Variants in AMBRA1 observed in about 807,000 individuals in gnomAD.
AMBRA1 encodes the protein activating molecule in BECN1-regulated autophagy protein 1.
A neutral mutation model predicts 125.4 loss-of-function variants in AMBRA1; 47 were observed. The observed-to-expected ratio is 0.37, with a 90% CI of 0.30 to 0.48. AMBRA1 has a LOEUF of 0.48. Among genes scored for constraint, AMBRA1 ranks in the 20% least tolerant of loss-of-function variants. The probability of loss-of-function intolerance (pLI) is 0.99; values close to 1 mark genes in which losing one functional copy is unlikely to be tolerated. For missense variants in AMBRA1, 1,331 were observed against 1,693.4 expected (o/e 0.79, Z 3.76); for synonymous variants, 626 against 655.5 (o/e 0.95, Z 0.69).
At chr11:46,399,847 G>GGATCT (rs1251104680) in intron 17 of AMBRA1, among the ~76,000 whole-genome samples, 6 of 152,334 alleles carry the variant, frequency 3.9e-5, no homozygotes, top group East Asian at 3.9e-4. Flanking sequence ...AGGGAGAGAA[G>GGATCT]GATCTGTCCG....
At position 46,433,486 on chromosome 11, in the gene AMBRA1, C is replaced by G; in HGVS notation, c.2964G>C (p.Glu988Asp). The G allele has an allele frequency of 6.2e-7, 1 of 1,614,148 alleles. No homozygotes were observed. The highest frequency in any genetic ancestry group is 1.1e-5 in the South Asian group (1 of 91,072). Reference protein sequence around the residue: ...VFRLQQAHGGETSMRRVFNVL... With the variant: ...VFRLQQAHGGDTSMRRVFNVL... ...CAATGGCACTCACCCTCATGGAGGT[C>G]TCTCCACCATGGGCCTGTTGCAGCC... Residue 988 changes from glutamate (E) to aspartate (D), a missense_variant, in exon 14 of 18, where the codon GAG (glutamate) becomes GAC (aspartate). Coordinates refer to ENST00000683756, the MANE Select transcript of AMBRA1 (RefSeq NM_001387011.1).
chr11:46,458,668 C>T (rs977144332), intron 11 of AMBRA1, among the ~76,000 whole-genome samples: 11 of 152,164 alleles, frequency 7.2e-5, no homozygotes, highest in Non-Finnish European at 1.5e-4. Flanking sequence ...ATGATCATTG[C>T]TCACTACAGC....
At chr11:46,559,098 G>A (rs1190637364) in intron 1 of AMBRA1, among the ~76,000 whole-genome samples, 1 of 152,034 alleles carries the variant, frequency 6.6e-6, no homozygotes, top group Non-Finnish European at 1.5e-5. Context: ...TCAGGAGTTC[G>A]AGACCAGCCT....
At chr11:46,450,892 A>G (rs1208596142) in intron 11 of AMBRA1, among the ~76,000 whole-genome samples, 2 of 152,238 alleles carry the variant, frequency 1.3e-5, no homozygotes, top group Non-Finnish European at 2.9e-5. Flanking sequence ...TGATGTGTCT[A>G]CGTTGGTTCA....
chr11:46,448,823 C>T (rs1948438692), intron 11 of AMBRA1, among the ~76,000 whole-genome samples: 1 of 152,122 alleles, frequency 6.6e-6, no homozygotes, highest in African/African-American at 2.4e-5. Context: ...CAACCGTATG[C>T]CTACAAATTT....
intron 1 of AMBRA1, among the ~76,000 whole-genome samples, chr11:46,571,103 C>T (rs1375071679): frequency 6.6e-6 from 1 of 152,148 alleles, no homozygotes; most frequent in Non-Finnish European, 1.5e-5. Context: ...TCACATTTGC[C>T]TCCTTACAAT....
chr11:46,491,093 C>A (rs1395639950), intron 11 of AMBRA1: 1 of 152,158 alleles, frequency 6.6e-6, no homozygotes, highest in Non-Finnish European at 1.5e-5. Context: ...ATAAGATTTT[C>A]CTCAGCAAGC....
At chr11:46,458,020 A>G (rs1948928648) in intron 11 of AMBRA1, among the ~76,000 whole-genome samples, 1 of 152,176 alleles carries the variant, frequency 6.6e-6, no homozygotes, top group South Asian at 2.1e-4. Flanking sequence ...GGAACCCACT[A>G]ATGGAAAATC....
intron 4 of AMBRA1, 51 bp from the exon 5 acceptor site, chr11:46,545,827 C>G: frequency 6.3e-7 from 1 of 1,578,522 alleles, no homozygotes; most frequent in Non-Finnish European, 8.7e-7. Flanking sequence ...TACCAGCACA[C>G]TGGGAAGTCA....
chr11:46,397,742 T>C lies in AMBRA1; in HGVS notation c.3605A>G (p.His1202Arg), dbSNP rs769004853. 2 of 1,612,756 alleles carry C rather than the reference T, an allele frequency of 1.2e-6. No homozygotes were observed. Among genetic ancestry groups the C allele is most frequent in the South Asian group, 1.1e-5 (1 of 91,058 alleles). ...SQTGTEPGAA[H>R]TSSPQPSTSR... ...GGTGGAGGGCTGGGGTGAGGAGGTG[T>C]GGGCGGCACCAGGTTCAGTGCCCGT... is the stretch of plus-strand genomic sequence containing the variant. Residue 1202 changes from histidine (H) to arginine (R), a missense_variant, in exon 18 of 18, where the codon CAC becomes CGC. Coordinates refer to ENST00000683756, the MANE Select transcript of AMBRA1 (RefSeq NM_001387011.1).
chr11:46,581,964 A>G (rs936623364), intron 1 of AMBRA1, among the ~76,000 whole-genome samples: 83 of 151,506 alleles, frequency 5.5e-4, no homozygotes, highest in African/African-American at 1.7e-3. Flanking sequence ...AAATAATCAA[A>G]AATTACCTAG....
At chr11:46,547,320 G>A (rs1377123597) in intron 3 of AMBRA1, 24 bp from the exon 4 acceptor site, 1 of 1,578,042 alleles carries the variant, frequency 6.3e-7, no homozygotes, top group Non-Finnish European at 8.6e-7. Context: ...GAGTAGAACT[G>A]AATTCAGAAG....
At chr11:46,404,593 C>T (rs1225511130) in intron 17 of AMBRA1, among the ~76,000 whole-genome samples, 2 of 152,186 alleles carry the variant, frequency 1.3e-5, no homozygotes, top group African/African-American at 4.8e-5. Context: ...ACAGGGTATA[C>T]GCAGAGCATG....
At chr11:46,420,562 A>G (rs2136659672) in intron 14 of AMBRA1, among the ~76,000 whole-genome samples, 1 of 152,326 alleles carries the variant, frequency 6.6e-6, no homozygotes, top group South Asian at 2.1e-4. Context: ...TTTCTGTCCA[A>G]CCTATAGACT....
chr11:46,578,502 A>G (rs1395660899), intron 1 of AMBRA1, among the ~76,000 whole-genome samples: 2 of 151,440 alleles, frequency 1.3e-5, no homozygotes, highest in Non-Finnish European at 2.9e-5. Context: ...AAAAAAATCT[A>G]GGTAGGACTG....
At chr11:46,433,211 G>A (rs1947537958) in intron 14 of AMBRA1, among the ~76,000 whole-genome samples, 1 of 152,224 alleles carries the variant, frequency 6.6e-6, no homozygotes, top group Non-Finnish European at 1.5e-5. Context: ...AAGTAAGGAA[G>A]TATTCAGTTT....
intron 7 of AMBRA1, among the ~76,000 whole-genome samples, chr11:46,534,931 C>T (rs917623840): frequency 8.5e-5 from 13 of 152,232 alleles, no homozygotes; most frequent in Admixed American, 8.5e-4. Flanking sequence ...AACTTGGCTT[C>T]TCAGAGTGCT....
chr11:46,418,240 TATATA>T, intron 14 of AMBRA1, among the ~76,000 whole-genome samples, 188 bp from the exon 15 acceptor site: 1 of 144,328 alleles, frequency 6.9e-6, no homozygotes, highest in East Asian at 2.0e-4. Flanking sequence ...TATATAAATA[TATATA>T]ATATATATTT....
chr11:46,511,135 G>C (rs772750519), intron 8 of AMBRA1, among the ~76,000 whole-genome samples: 12 of 152,178 alleles, frequency 7.9e-5, no homozygotes, highest in Non-Finnish European at 1.6e-4. Flanking sequence ...GTAGAACACT[G>C]CCAGGTTAAA....
Sources: allele counts gnomAD v4.1 joint callset (sites outside exome capture counted in the v4.1 genomes callset), GRCh38; gene constraint gnomAD v4.1.1; transcripts MANE v1.5; gene names NCBI Gene and HGNC (gene_info 2026-07-23, HGNC 2026-07-21).